DSCAM: variants seen among roughly 807,000 people sequenced by gnomAD.
The protein encoded by DSCAM is DS cell adhesion molecule, also known as cell adhesion molecule DSCAM.
Under a neutral mutation model 217.7 loss-of-function variants are expected in DSCAM, and 47 were observed. The observed-to-expected ratio is 0.22, with a 90% CI of 0.17 to 0.28. DSCAM has a LOEUF of 0.28. Ranked by LOEUF, DSCAM falls within the 10% of genes least tolerant of loss-of-function variation. DSCAM has a pLI of 1.00. For missense variants in DSCAM, 2,080 were observed against 2,618.3 expected, an observed-to-expected ratio of 0.79 and a Z score of 4.49; for synonymous variants, 1,056 against 1,015.3, an observed-to-expected ratio of 1.04 and a Z score of -0.76.
chr21:40,591,799 G>A (rs2076986345), intron 3 of DSCAM, among the ~76,000 whole-genome samples: 2 of 152,144 alleles, frequency 1.3e-5, no homozygotes, highest in Non-Finnish European at 2.9e-5. Flanking sequence ...AAATGGCCCA[G>A]GCTATTTGGA....
At chr21:40,397,405 G>A (rs2075189299) in intron 3 of DSCAM, among the ~76,000 whole-genome samples, 1 of 151,932 alleles carries the variant, frequency 6.6e-6, no homozygotes. Flanking sequence ...TCTCTCCCTT[G>A]CTCCTGCTTT....
chr21:40,365,620 C>A (rs1374696824), intron 4 of DSCAM, among the ~76,000 whole-genome samples: 2 of 152,080 alleles, frequency 1.3e-5, no homozygotes, highest in Non-Finnish European at 2.9e-5. Context: ...AGACTAGACT[C>A]CAATTTTTAC....
intron 3 of DSCAM, among the ~76,000 whole-genome samples, chr21:40,493,756 G>A (rs1260648776): frequency 6.6e-5 from 10 of 151,366 alleles, no homozygotes; most frequent in East Asian, 3.9e-4. Flanking sequence ...CCAGCTACTC[G>A]GGAAGCTGAG....
At chr21:40,062,787 A>G (rs1262014291) in intron 28 of DSCAM, 82 bp downstream of exon 28, 3 of 1,327,188 alleles carry the variant, frequency 2.3e-6, no homozygotes, top group African/African-American at 3.0e-5. Context: ...GACTGCCATT[A>G]TTAAAAAAAT....
chr21:40,107,967 C>T (rs1259573071), intron 20 of DSCAM, among the ~76,000 whole-genome samples: 1 of 152,134 alleles, frequency 6.6e-6, no homozygotes, highest in Non-Finnish European at 1.5e-5. Context: ...AACATCCATT[C>T]ATGTTAAAAA....
chr21:40,461,939 A>G (rs906732236), intron 3 of DSCAM, among the ~76,000 whole-genome samples: 1 of 152,228 alleles, frequency 6.6e-6, no homozygotes, highest in Non-Finnish European at 1.5e-5. Flanking sequence ...ATTTTAGACC[A>G]CTGAGAGCAT....
chr21:40,636,742 T>C (rs1192681589), intron 3 of DSCAM, among the ~76,000 whole-genome samples: 1 of 149,492 alleles, frequency 6.7e-6, no homozygotes, highest in Non-Finnish European at 1.5e-5. Flanking sequence ...CTGAGGATTT[T>C]GGCCGGGGGT....
chr21:40,747,257 A>T (rs2091183647), intron 1 of DSCAM, among the ~76,000 whole-genome samples: 1 of 146,776 alleles, frequency 6.8e-6, no homozygotes. Flanking sequence ...AATACAAAAG[A>T]TCAAGAAAAC....
intron 3 of DSCAM, among the ~76,000 whole-genome samples, chr21:40,674,465 A>G (rs1300851540): frequency 6.6e-6 from 1 of 152,172 alleles, no homozygotes; most frequent in Non-Finnish European, 1.5e-5. Flanking sequence ...TCATTATAGA[A>G]TATTTTAAAC....
chr21:40,761,279 G>A (rs1025387253), intron 1 of DSCAM, among the ~76,000 whole-genome samples: 2 of 152,136 alleles, frequency 1.3e-5, no homozygotes. Context: ...TTTTAGGAGA[G>A]AGTCTGTTTC....
intron 1 of DSCAM, among the ~76,000 whole-genome samples, chr21:40,790,180 CTTT>C (rs771986567): frequency 3.2e-5 from 4 of 125,394 alleles, no homozygotes; most frequent in Admixed American, 2.5e-4. Context: ...TTCTTTCTTT[CTTT>C]TTTTTTTTTT....
At chr21:40,601,928 T>C (rs1051216878) in intron 3 of DSCAM, among the ~76,000 whole-genome samples, 1 of 152,184 alleles carries the variant, frequency 6.6e-6, no homozygotes, top group Non-Finnish European at 1.5e-5. Flanking sequence ...TTTTATTGAG[T>C]AATTTTGTAT....
intron 3 of DSCAM, among the ~76,000 whole-genome samples, chr21:40,399,487 G>A (rs2075214174): frequency 6.6e-6 from 1 of 152,190 alleles, no homozygotes; most frequent in Admixed American, 6.5e-5. Flanking sequence ...ATTCCTGTGT[G>A]CATGCTATCT....
chr21:40,390,423 T>C (rs114452393), intron 3 of DSCAM, among the ~76,000 whole-genome samples: 1 of 152,296 alleles, frequency 6.6e-6, no homozygotes, highest in East Asian at 1.9e-4. Context: ...TGGATAGCCT[T>C]GGGTTAGCTG....
intron 1 of DSCAM, among the ~76,000 whole-genome samples, chr21:40,780,398 C>CGTGTGT (rs140268971): frequency 1.7e-4 from 19 of 108,614 alleles, no homozygotes; most frequent in African/African-American, 3.9e-4. Flanking sequence ...CAAATATAAA[C>CGTGTGT]GTGTGTGTGT....
At chr21:40,796,377 T>C (rs780093044) in intron 1 of DSCAM, among the ~76,000 whole-genome samples, 2 of 152,228 alleles carry the variant, frequency 1.3e-5, no homozygotes, top group Non-Finnish European at 2.9e-5. Context: ...TGCACACTTG[T>C]GGCCAACAGT....
intron 3 of DSCAM, among the ~76,000 whole-genome samples, chr21:40,496,553 T>C (rs1479888977): frequency 6.6e-6 from 1 of 152,046 alleles, no homozygotes; most frequent in Non-Finnish European, 1.5e-5. Context: ...ACATAAGACT[T>C]GAAGTAAATA....
intron 3 of DSCAM, among the ~76,000 whole-genome samples, chr21:40,473,472 C>T (rs548215641): frequency 9.8e-4 from 150 of 152,298 alleles, no homozygotes; most frequent in African/African-American, 2.9e-3. Flanking sequence ...ACTGCGGATG[C>T]CGACCCCTTA....
chr21:40,406,587 T>C (rs1319939718), intron 3 of DSCAM, among the ~76,000 whole-genome samples: 1 of 151,896 alleles, frequency 6.6e-6, no homozygotes, highest in African/African-American at 2.4e-5. Flanking sequence ...TGTAAAACGT[T>C]TTTGTTTGTT....
Sources: gnomAD v4.1 joint callset for allele counts (sites outside exome capture counted in the v4.1 genomes callset) on GRCh38, gnomAD v4.1.1 for gene constraint, MANE v1.5 for transcripts, NCBI Gene and HGNC (gene_info 2026-07-23, HGNC 2026-07-21) for gene names.